The following BCL11B variants were observed in gnomAD, a reference collection of about 807,000 sequenced individuals.
BCL11B encodes the protein B-cell lymphoma/leukemia 11B.
BCL11B carries 8 observed loss-of-function variants against 49.9 expected under a neutral mutation model. The observed-to-expected ratio is 0.16, with a 90% CI of 0.09 to 0.29. BCL11B has a LOEUF of 0.29. Ranked by LOEUF, BCL11B falls within the 10% of genes least tolerant of loss-of-function variation. The probability of loss-of-function intolerance (pLI) is 1.00; values close to 1 mark genes in which losing one functional copy is unlikely to be tolerated. For missense variants in BCL11B, 1,006 were observed against 1,351.0 expected (o/e 0.74, Z 4.00); for synonymous variants, 739 against 637.4 (o/e 1.16, Z -2.40).
chr14:99,249,179 C>A (rs897756684), intron 2 of BCL11B, among the ~76,000 whole-genome samples: 5 of 152,168 alleles, frequency 3.3e-5, no homozygotes, highest in Admixed American at 2.6e-4. Flanking sequence ...AAAGGGCCTG[C>A]ACCAGCCACA....
chr14:99,180,006 T>A (rs1351346194), intron 3 of BCL11B, among the ~76,000 whole-genome samples: 1 of 152,188 alleles, frequency 6.6e-6, no homozygotes, highest in Non-Finnish European at 1.5e-5. Flanking sequence ...CGGCTCATTT[T>A]TAAGTGCAGC....
In BCL11B at chr14:99,247,281, A is replaced by G. The variant is rs1209179410; in HGVS notation, c.427+10190T>C. Reference sequence around the variant, plus strand: ...AAGCCAATGATGCAGAGAGAAGACCACACTGTTTAGCTTTCTTAATTGGCT... The same window carrying G: ...AAGCCAATGATGCAGAGAGAAGACCGCACTGTTTAGCTTTCTTAATTGGCT... On this transcript the variant is annotated intron_variant, in intron 2 of 3. Transcript: ENST00000357195. The surrounding 1 kb of genome is among the most constrained non-coding windows in gnomAD (Gnocchi z 4.5). Among the ~76,000 whole-genome samples the G allele has an allele frequency of 6.6e-6, 1 of 152,202 alleles. No individual in the cohort carries two copies. Among genetic ancestry groups the G allele is most frequent in the Non-Finnish European group, 1.5e-5 (1 of 68,040 alleles).
chr14:99,270,674 G>A (rs534880152), intron 1 of BCL11B, among the ~76,000 whole-genome samples: 4 of 151,666 alleles, frequency 2.6e-5, no homozygotes, highest in East Asian at 3.9e-4. Flanking sequence ...CCCCCAGCCG[G>A]AACGCACCCC....
intron 3 of BCL11B, among the ~76,000 whole-genome samples, chr14:99,204,513 C>A (rs1024363846): frequency 6.6e-6 from 1 of 152,152 alleles, no homozygotes; most frequent in Non-Finnish European, 1.5e-5. Flanking sequence ...ATCATTCACT[C>A]CACAGTGCTC....
intron 3 of BCL11B, among the ~76,000 whole-genome samples, chr14:99,181,158 G>T (rs568355913): frequency 2.0e-5 from 3 of 152,298 alleles, no homozygotes; most frequent in South Asian, 2.1e-4. Context: ...GAGATTTAGT[G>T]GCCCACTGCT....
At chr14:99,253,952 C>T (rs1012389297) in intron 2 of BCL11B, among the ~76,000 whole-genome samples, 4 of 152,218 alleles carry the variant, frequency 2.6e-5, no homozygotes, top group African/African-American at 9.6e-5. Context: ...CGCCCCATCC[C>T]CAGAGAGGCC....
chr14:99,227,789 C>T (rs889869544), intron 3 of BCL11B, among the ~76,000 whole-genome samples: 10 of 152,168 alleles, frequency 6.6e-5, no homozygotes, highest in Admixed American at 6.5e-4. Flanking sequence ...GGCTCTTGAC[C>T]CCACAGCCAC....
At chr14:99,216,667 G>A (rs542486941) in intron 3 of BCL11B, among the ~76,000 whole-genome samples, 1 of 152,154 alleles carries the variant, frequency 6.6e-6, no homozygotes, top group South Asian at 2.1e-4. Context: ...ACAAATCCAG[G>A]AAGAATCAGA....
chr14:99,203,681 G>C (rs1023048684), intron 3 of BCL11B, among the ~76,000 whole-genome samples: 3 of 152,048 alleles, frequency 2.0e-5, no homozygotes, highest in Non-Finnish European at 4.4e-5. Flanking sequence ...TGCACAAATG[G>C]GTCTGAAAAC....
intron 3 of BCL11B, among the ~76,000 whole-genome samples, chr14:99,217,276 TCA>T (rs963987636): frequency 2.0e-5 from 3 of 148,392 alleles, no homozygotes; most frequent in African/African-American, 7.4e-5. Context: ...ATGCAAATAC[TCA>T]CATACAAACA....
chr14:99,226,440 C>T (rs923205273), intron 3 of BCL11B, among the ~76,000 whole-genome samples: 12 of 152,308 alleles, frequency 7.9e-5, no homozygotes, highest in African/African-American at 2.9e-4. Context: ...TCTGGCACCC[C>T]CTGCACCAGA....
At chr14:99,210,232 T>A (rs537489395) in intron 3 of BCL11B, among the ~76,000 whole-genome samples, 1 of 152,174 alleles carries the variant, frequency 6.6e-6, no homozygotes, top group South Asian at 2.1e-4. Context: ...CCAACTCTAA[T>A]GCGTCTCTGG....
chr14:99,209,738 C>T (rs540634308), intron 3 of BCL11B, among the ~76,000 whole-genome samples: 38 of 152,190 alleles, frequency 2.5e-4, no homozygotes, highest in African/African-American at 8.9e-4. Context: ...TGGAGTGGAC[C>T]GGCCAGGCCA....
Position 99,213,244 on chromosome 14 carries a change from G to A in BCL11B, c.640+18101C>T, listed in dbSNP as rs895096030. On this transcript the variant is annotated intron_variant, in intron 3 of 3. Transcript: ENST00000357195. The surrounding 1 kb of genome is among the most constrained non-coding windows in gnomAD (Gnocchi z 5.1). ...ATGAAGAAGGGAGCCCCGGAGGCTC[G>A]GCCGACCTGGGTGTGCCAGCACAAA... Among the ~76,000 whole-genome samples the A allele has an allele frequency of 5.9e-5, 9 of 152,158 alleles. No homozygotes were observed. Among genetic ancestry groups the A allele is most frequent in the Admixed American group, 2.0e-4 (3 of 15,288 alleles).
chr14:99,201,733 C>A (rs944661504), intron 3 of BCL11B, among the ~76,000 whole-genome samples: 2 of 152,170 alleles, frequency 1.3e-5, no homozygotes, highest in Admixed American at 6.5e-5. Flanking sequence ...TGTGGCTGCC[C>A]CTCCACTGTG....
chr14:99,260,044 G>A (rs1889290665), intron 1 of BCL11B, among the ~76,000 whole-genome samples: 1 of 152,168 alleles, frequency 6.6e-6, no homozygotes, highest in Non-Finnish European at 1.5e-5. Flanking sequence ...TGTAAAAACA[G>A]TTCTTTAGAA....
At chr14:99,177,709 C>T (rs922462848) in intron 3 of BCL11B, among the ~76,000 whole-genome samples, 4 of 151,614 alleles carry the variant, frequency 2.6e-5, no homozygotes, top group East Asian at 3.9e-4. Flanking sequence ...TGAAGTCAAA[C>T]GTGCAAATGA....
At chr14:99,210,343 A>C (rs1482657393) in intron 3 of BCL11B, among the ~76,000 whole-genome samples, 3 of 152,230 alleles carry the variant, frequency 2.0e-5, no homozygotes, top group Non-Finnish European at 4.4e-5. Context: ...AACAATGGCC[A>C]AAACCGGAGA....
intron 3 of BCL11B, among the ~76,000 whole-genome samples, chr14:99,222,247 G>A (rs185228906): frequency 7.7e-5 from 9 of 117,434 alleles, no homozygotes; most frequent in East Asian, 2.5e-4. Flanking sequence ...TATTTCTTTC[G>A]CTCCCCAGTG....
Sources: allele counts gnomAD v4.1 joint callset (sites outside exome capture counted in the v4.1 genomes callset), GRCh38; gene constraint gnomAD v4.1.1; non-coding constraint Gnocchi (gnomAD v3.1); transcripts MANE v1.5; gene names NCBI Gene and HGNC (gene_info 2026-07-23, HGNC 2026-07-21).